The following ATP10B variants were observed in gnomAD, a reference collection of about 807,000 sequenced individuals.
ATP10B encodes the protein ATPase phospholipid transporting 10B (putative), also known as phospholipid-transporting ATPase VB.
ATP10B carries 122 observed loss-of-function variants against 141.2 expected under a neutral mutation model. The ratio of observed to expected loss-of-function variants is 0.86; its 90% CI spans 0.75 to 1.00. The LOEUF (loss-of-function observed/expected upper bound fraction) is 1.00. Ranked by LOEUF, ATP10B falls within the 50% of genes least tolerant of loss-of-function variation. ATP10B has a pLI of 0.00. For missense variants in ATP10B, 1,876 were observed against 1,825.3 expected, an observed-to-expected ratio of 1.03 and a Z score of -0.51; for synonymous variants, 685 against 692.0, an observed-to-expected ratio of 0.99 and a Z score of 0.16.
At chr5:160,763,542 C>T (rs1581485631) in intron 2 of ATP10B, among the ~76,000 whole-genome samples, 1 of 151,940 alleles carries the variant, frequency 6.6e-6, no homozygotes. Flanking sequence ...CTATCAAAAC[C>T]TCTCGGATAC....
chr5:160,878,577 CT>C, the ATP10B span, among the ~76,000 whole-genome samples: 4 of 151,524 alleles, frequency 2.6e-5, no homozygotes, highest in Non-Finnish European at 5.9e-5. Flanking sequence ...GCAAAAGAAA[CT>C]ACCGTCAGAG....
chr5:160,615,650 C>T, intron 17 of ATP10B, among the ~76,000 whole-genome samples, 188 bp downstream of exon 17: 1 of 152,062 alleles, frequency 6.6e-6, no homozygotes, highest in Non-Finnish European at 1.5e-5. Context: ...CCAGAGCATC[C>T]TCAGGAAGCT....
At chr5:160,753,741 C>G (rs1177981284) in intron 2 of ATP10B, among the ~76,000 whole-genome samples, 1 of 152,126 alleles carries the variant, frequency 6.6e-6, no homozygotes, top group African/African-American at 2.4e-5. Flanking sequence ...CATCTTTTTC[C>G]TGGTACTGTT....
At chr5:160,600,602 C>A (rs1418963488) in intron 21 of ATP10B, among the ~76,000 whole-genome samples, 2 of 152,172 alleles carry the variant, frequency 1.3e-5, no homozygotes, top group Non-Finnish European at 2.9e-5. Flanking sequence ...TATGCTAACA[C>A]CCATCCTGGA....
chr5:160,878,848 A>C, the ATP10B span, among the ~76,000 whole-genome samples: 11 of 150,022 alleles, frequency 7.3e-5, no homozygotes, highest in Non-Finnish European at 1.2e-4. Flanking sequence ...ACCATCTCAC[A>C]CCAGTTAGAA....
At chr5:160,887,535 C>T in the ATP10B span, among the ~76,000 whole-genome samples, 4 of 152,098 alleles carry the variant, frequency 2.6e-5, no homozygotes. Context: ...TCACAATTGG[C>T]CCCCATTTCA....
At chr5:160,575,665 C>A (rs780443886) in intron 24 of ATP10B, among the ~76,000 whole-genome samples, 2 of 152,078 alleles carry the variant, frequency 1.3e-5, no homozygotes, top group African/African-American at 4.8e-5. Context: ...CCACTAAATT[C>A]TTTTTTTCTT....
At chr5:160,752,095 C>T (rs1004558815) in intron 2 of ATP10B, among the ~76,000 whole-genome samples, 2 of 150,248 alleles carry the variant, frequency 1.3e-5, no homozygotes, top group Admixed American at 1.3e-4. Flanking sequence ...AGGATCTTCA[C>T]ATAAAAAGGC....
chr5:160,611,042 A>G (rs1025200840), intron 18 of ATP10B, among the ~76,000 whole-genome samples: 1 of 152,220 alleles, frequency 6.6e-6, no homozygotes, highest in Admixed American at 6.5e-5. Context: ...TAAGTCTAAG[A>G]CTTAGAATGT....
intron 2 of ATP10B, among the ~76,000 whole-genome samples, chr5:160,768,525 A>C (rs560387024): frequency 1.3e-5 from 2 of 152,256 alleles, no homozygotes; most frequent in East Asian, 3.9e-4. Flanking sequence ...ATCCTCTCAA[A>C]TTTTAATCAG....
intron 1 of ATP10B, among the ~76,000 whole-genome samples, chr5:160,807,628 TGGAG>T (rs981938453): frequency 1.3e-5 from 2 of 152,214 alleles, no homozygotes; most frequent in Non-Finnish European, 2.9e-5. Context: ...GAGAAACTGA[TGGAG>T]GAAGGATGGA....
chr5:160,814,320 G>A (rs1220960741), intron 1 of ATP10B, among the ~76,000 whole-genome samples: 7 of 151,964 alleles, frequency 4.6e-5, no homozygotes, highest in Admixed American at 4.6e-4. Flanking sequence ...ACCATGGCAA[G>A]AGAACTACGT....
At chr5:160,798,929 T>G (rs1337661301) in intron 1 of ATP10B, among the ~76,000 whole-genome samples, 1 of 151,848 alleles carries the variant, frequency 6.6e-6, no homozygotes, top group African/African-American at 2.4e-5. Context: ...TTTTTGTACT[T>G]TTATTCGAGA....
intron 13 of ATP10B, among the ~76,000 whole-genome samples, chr5:160,622,996 A>G (rs913367396): frequency 2.0e-5 from 3 of 152,294 alleles, no homozygotes; most frequent in East Asian, 1.9e-4. Flanking sequence ...TGACTTCAAA[A>G]AACCTTCAGG....
chr5:160,871,727 CCATCATGTATATA>C, the ATP10B span, among the ~76,000 whole-genome samples: 7 of 152,258 alleles, frequency 4.6e-5, no homozygotes, highest in African/African-American at 1.7e-4. Context: ...GTGTAGTATT[CCATCATGTATATA>C]CATCACAGTG....
Position 160,774,949 on chromosome 5 carries a change from G to A in ATP10B, c.-331+10610C>T, listed in dbSNP as rs139271442. Among the ~76,000 whole-genome samples the A allele has an allele frequency of 3.7e-3, 569 of 152,244 alleles. 5 individuals are homozygous for A. Among genetic ancestry groups the A allele is most frequent in the African/African-American group, 0.013 (527 of 41,548 alleles). ...AGCCATGAATAAAGCCAGCAAATGGGGAAAAATCATGCTGCTAGTATTTTA... is the reference window on the plus strand; with the variant it reads ...AGCCATGAATAAAGCCAGCAAATGGAGAAAAATCATGCTGCTAGTATTTTA... On this transcript the variant is annotated intron_variant, in intron 2 of 25. Transcript: ENST00000327245.
At chr5:160,678,400 C>A (rs1331949822) in intron 6 of ATP10B, among the ~76,000 whole-genome samples, 1 of 152,118 alleles carries the variant, frequency 6.6e-6, no homozygotes, top group Non-Finnish European at 1.5e-5. Context: ...TGGCTCACGC[C>A]ATAATACCAG....
intron 1 of ATP10B, among the ~76,000 whole-genome samples, chr5:160,823,724 C>T (rs900257234): frequency 3.9e-5 from 6 of 152,134 alleles, no homozygotes; most frequent in African/African-American, 1.4e-4. Flanking sequence ...GTCCCAGCTA[C>T]TTGGGAGGCT....
chr5:160,643,458 C>G (rs368591724), intron 9 of ATP10B, among the ~76,000 whole-genome samples: 1 of 152,140 alleles, frequency 6.6e-6, no homozygotes, highest in Non-Finnish European at 1.5e-5. Context: ...TGCGTACCTA[C>G]GAGCACTGGT....
Sources: gnomAD v4.1 joint callset for allele counts (sites outside exome capture counted in the v4.1 genomes callset) on GRCh38, gnomAD v4.1.1 for gene constraint, MANE v1.5 for transcripts, NCBI Gene and HGNC (gene_info 2026-07-23, HGNC 2026-07-21) for gene names.